LIMS1: variants seen among roughly 807,000 people sequenced by gnomAD.
LIMS1 encodes the protein LIM zinc finger domain containing 1, also known as LIM and senescent cell antigen-like-containing domain protein 1.
In LIMS1, 18 loss-of-function variants were observed where a neutral mutation model predicts 44.1. The observed-to-expected ratio is 0.41, with a 90% CI of 0.28 to 0.61. LIMS1 has a LOEUF of 0.61. Among genes scored for constraint, LIMS1 ranks in the 20% least tolerant of loss-of-function variants. LIMS1 has a pLI of 0.32. For missense variants in LIMS1, 201 were observed against 422.0 expected, an observed-to-expected ratio of 0.48 and a Z score of 4.59; for synonymous variants, 93 against 149.1, an observed-to-expected ratio of 0.62 and a Z score of 2.74.
At chr2:108,614,252 G>A (rs1459851298) in intron 1 of LIMS1, among the ~76,000 whole-genome samples, 4 of 152,250 alleles carry the variant, frequency 2.6e-5, no homozygotes, top group East Asian at 1.9e-4. Flanking sequence ...CACCATGCTC[G>A]GGCGCCTCCT....
At chr2:108,664,258 T>C (rs1173358120) in intron 2 of LIMS1, among the ~76,000 whole-genome samples, 2 of 152,196 alleles carry the variant, frequency 1.3e-5, no homozygotes, top group Non-Finnish European at 2.9e-5. Context: ...ATTTGCAACT[T>C]TGCACTTGAC....
intron 9 of LIMS1, among the ~76,000 whole-genome samples, chr2:108,682,043 CTT>C (rs1157238292): frequency 6.6e-6 from 1 of 151,968 alleles, no homozygotes; most frequent in East Asian, 1.9e-4. Flanking sequence ...TCTTCAAACT[CTT>C]TTTTTATTCC....
intron 1 of LIMS1, among the ~76,000 whole-genome samples, chr2:108,539,916 G>A (rs576393796): frequency 2.6e-5 from 4 of 151,488 alleles, no homozygotes; most frequent in South Asian, 4.2e-4. Flanking sequence ...TCTTACCTTC[G>A]AATTTTCTCT....
chr2:108,556,848 C>T (rs760443348), intron 1 of LIMS1, among the ~76,000 whole-genome samples: 4 of 152,152 alleles, frequency 2.6e-5, no homozygotes. Context: ...ATAATGTGAA[C>T]CTGTGATCAG....
chr2:108,685,200 A>G (rs1693236541), exon 10 of LIMS1: 1 of 152,188 alleles, frequency 6.6e-6, no homozygotes, highest in Non-Finnish European at 1.5e-5. Context: ...TACTGTAAGT[A>G]GGAGGTATAA....
At chr2:108,546,943 G>A (rs1453209640) in intron 1 of LIMS1, among the ~76,000 whole-genome samples, 1 of 152,110 alleles carries the variant, frequency 6.6e-6, no homozygotes, top group Non-Finnish European at 1.5e-5. Context: ...GACTATAATT[G>A]TGTCTATAAC....
At chr2:108,583,207 AT>A (rs59274385) in intron 1 of LIMS1, among the ~76,000 whole-genome samples, 79,711 of 139,642 alleles carry the variant, frequency 0.57, 22,501 homozygotes, top group East Asian at 0.9. Flanking sequence ...TAATGTTTGT[AT>A]TTTTTTTTTT....
At chr2:108,542,635 A>G (rs1684351202) in intron 1 of LIMS1, among the ~76,000 whole-genome samples, 1 of 151,940 alleles carries the variant, frequency 6.6e-6, no homozygotes, top group African/African-American at 2.4e-5. Flanking sequence ...ACTCCCTCCT[A>G]CCCTTACGCT....
At chr2:108,648,380 T>G (rs1369455242) in intron 1 of LIMS1, among the ~76,000 whole-genome samples, 1 of 152,178 alleles carries the variant, frequency 6.6e-6, no homozygotes, top group Non-Finnish European at 1.5e-5. Flanking sequence ...TGGGCTATAC[T>G]GCCCAAAGTA....
intron 1 of LIMS1, among the ~76,000 whole-genome samples, chr2:108,587,288 G>GTT (rs1456842400): frequency 1.6e-4 from 13 of 79,290 alleles, no homozygotes; most frequent in Non-Finnish European, 2.5e-4. Context: ...TTTTCTTGGG[G>GTT]TTTGTGTGTG....
chr2:108,570,515 G>A (rs1316078053), intron 1 of LIMS1, among the ~76,000 whole-genome samples: 3 of 152,122 alleles, frequency 2.0e-5, no homozygotes, highest in Non-Finnish European at 4.4e-5. Context: ...TCCAGAAGTT[G>A]CTGGCAGGTT....
intron 1 of LIMS1, among the ~76,000 whole-genome samples, chr2:108,602,108 A>G (rs1687047894): frequency 1.3e-5 from 2 of 152,142 alleles, no homozygotes; most frequent in African/African-American, 2.4e-5. Context: ...CAGGTCATTC[A>G]CTATTGGCAT....
intron 1 of LIMS1, among the ~76,000 whole-genome samples, chr2:108,600,066 G>C (rs1686924660): frequency 6.6e-6 from 1 of 151,068 alleles, no homozygotes; most frequent in Non-Finnish European, 1.5e-5. Context: ...TGTCGTTTGA[G>C]ATGGAGTCTC....
chr2:108,611,458 C>G (rs1040219995), intron 1 of LIMS1, among the ~76,000 whole-genome samples: 1 of 151,874 alleles, frequency 6.6e-6, no homozygotes, highest in Non-Finnish European at 1.5e-5. Flanking sequence ...TTTTCACTTT[C>G]CTTAGAAATA....
chr2:108,612,778 T>C (rs1023947355), intron 1 of LIMS1, among the ~76,000 whole-genome samples: 1 of 152,006 alleles, frequency 6.6e-6, no homozygotes, highest in Admixed American at 6.5e-5. Flanking sequence ...AGAGAAGGTG[T>C]GGGCTGGCTG....
chr2:108,611,860 CAT>C (rs1286907505), intron 1 of LIMS1, among the ~76,000 whole-genome samples: 1 of 91,708 alleles, frequency 1.1e-5, no homozygotes, highest in Admixed American at 1.5e-4. Flanking sequence ...TATATACACA[CAT>C]ATATATACAC....
chr2:108,633,333 A>G (rs183427181), intron 1 of LIMS1, among the ~76,000 whole-genome samples: 127 of 152,366 alleles, frequency 8.3e-4, no homozygotes, highest in Non-Finnish European at 1.8e-4. Flanking sequence ...TAGAAGAGTA[A>G]AAATGACTGC....
At chr2:108,611,854 T>TATATATATATATATAC (rs771325535) in intron 1 of LIMS1, among the ~76,000 whole-genome samples, 22 of 125,248 alleles carry the variant, frequency 1.8e-4, no homozygotes, top group East Asian at 1.4e-3. Context: ...TATATATATA[T>TATATATATATATATAC]ACACACATAT....
intron 1 of LIMS1, among the ~76,000 whole-genome samples, chr2:108,574,150 C>G (rs2104638469): frequency 6.6e-6 from 1 of 152,072 alleles, no homozygotes; most frequent in Non-Finnish European, 1.5e-5. Context: ...CTTTAAGTAT[C>G]TTTTTCCTAA....
Sources: allele counts gnomAD v4.1 joint callset (sites outside exome capture counted in the v4.1 genomes callset), GRCh38; gene constraint gnomAD v4.1.1; transcripts MANE v1.5; gene names NCBI Gene and HGNC (gene_info 2026-07-23, HGNC 2026-07-21).